ZNF761: variants seen among roughly 807,000 people sequenced by gnomAD.
The protein encoded by ZNF761 is zinc finger protein 761.
Under a neutral mutation model 59.9 loss-of-function variants are expected in ZNF761, and 43 were observed. The ratio of observed to expected loss-of-function variants is 0.72; its 90% CI spans 0.56 to 0.92. ZNF761 has a LOEUF of 0.92. Ranked by LOEUF, ZNF761 falls within the 40% of genes least tolerant of loss-of-function variation. The pLI is 0.00. For missense variants in ZNF761, 850 were observed against 906.1 expected (o/e 0.94, Z 0.79); for synonymous variants, 294 against 304.8 (o/e 0.96, Z 0.37).
Position 53,455,538 on chromosome 19 carries a change from A to G in ZNF761, c.1031A>G (p.His344Arg), listed in dbSNP as rs539781285. The change falls in exon 5 of 5, where the codon CAT becomes CGT. Residue 344 changes from histidine to arginine, a missense_variant. Transcript: ENST00000684525. ...TFRQKSILTR[H>R]HRLHTGEKPY... ...AGGCAGAAGTCAATCCTTACACGCCATCATCGACTTCATACTGGAGAGAAA... is the reference window on the plus strand; with the variant it reads ...AGGCAGAAGTCAATCCTTACACGCCGTCATCGACTTCATACTGGAGAGAAA... 6.2e-7 allele frequency: 1 copy of G among 1,613,096 alleles called. No homozygotes were observed. The highest frequency in any genetic ancestry group is 1.3e-5 in the African/African-American group (1 of 75,038).
rs1392320073 is a variant in ZNF761, at chr19:53,456,643, T to A, written c.2136T>A (p.His712Gln). Residue 712 changes from histidine (H) to glutamine (Q), a missense_variant, in exon 5 of 5, where the codon CAT becomes CAA. By Grantham distance (24) the His-to-Gln change is conservative. Coordinates refer to ENST00000684525, the MANE Select transcript of ZNF761 (RefSeq NM_001289951.2). ...KSSLICHHRL[H>Q]TGEKPYKCNE... The stretch of plus-strand genomic sequence containing the variant: ...CCCTTATATGCCACCATAGACTTCA[T>A]ACTGGAGAGAAACCTTACAAGTGTA... The A allele has an allele frequency of 1.9e-6, 3 of 1,613,940 alleles. No homozygotes were observed. The highest frequency in any genetic ancestry group is 2.5e-6 in the Non-Finnish European group (3 of 1,179,916).
chr19:53,456,157 C>A lies in ZNF761; in HGVS notation c.1650C>A (p.Tyr550Ter), dbSNP rs768923501. The A allele has an allele frequency of 5.1e-5, 83 of 1,613,870 alleles. No individual in the cohort carries two copies. The highest frequency in any genetic ancestry group is 3.1e-4 in the South Asian group (28 of 91,068). ...HRRLHSGEKP[Y>*]KCKECGKTFN... The stretch of plus-strand genomic sequence containing the variant: ...GACTTCATTCTGGAGAGAAACCTTA[C>A]AAGTGTAAGGAGTGTGGCAAGACCT... The change falls in exon 5 of 5, where the codon TAC (tyrosine) becomes TAA (stop). Residue 550 changes from tyrosine to a stop codon, truncating the protein, a stop_gained. Transcript: ENST00000684525. LOFTEE classifies it high-confidence loss of function.
At chr19:53,433,970 G>C (rs2086007290) in intron 1 of ZNF761, among the ~76,000 whole-genome samples, 1 of 152,148 alleles carries the variant, frequency 6.6e-6, no homozygotes, top group Non-Finnish European at 1.5e-5. Context: ...CAATTAGTTA[G>C]ATTACACTTT....
chr19:53,448,434 G>A (rs906468450), intron 3 of ZNF761, among the ~76,000 whole-genome samples: 4 of 152,074 alleles, frequency 2.6e-5, no homozygotes, highest in South Asian at 2.1e-4. Context: ...TCCCTGTCAC[G>A]TCCTCCACCC....
At chr19:53,441,926 G>C in intron 1 of ZNF761, 3 of 1,543,842 alleles carry the variant, frequency 1.9e-6, no homozygotes, top group Non-Finnish European at 2.6e-6. Flanking sequence ...GCACCAGGCA[G>C]ATGATGCAGA....
intron 3 of ZNF761, among the ~76,000 whole-genome samples, chr19:53,448,147 G>A (rs180845361): frequency 2.6e-4 from 39 of 151,978 alleles, no homozygotes; most frequent in Non-Finnish European, 4.0e-4. Context: ...GATTATAGGC[G>A]TGCGTCACCA....
rs149974118 is a variant in ZNF761 at position 53,450,049 on chromosome 19, A to C, written c.142+411A>C. 5.3e-3 allele frequency: 2,113 copies of C among 401,924 alleles called. 51 individuals are homozygous for C. The highest frequency in any genetic ancestry group is 0.039 in the African/African-American group (1,891 of 48,166). The allele number at this position is 401,924 out of a possible 1,614,324, so 24.9% of individuals were successfully genotyped here. ...GCCGGGCTTGGTGGCTCACGCCTGTAATCCCAGCACTTTGGGAGGCCAAGG... is the reference window on the plus strand; with the variant it reads ...GCCGGGCTTGGTGGCTCACGCCTGTCATCCCAGCACTTTGGGAGGCCAAGG... On this transcript the variant is annotated intron_variant, in intron 4 of 4. Transcript: ENST00000684525.
chr19:53,446,929 G>C (rs2086166298), intron 2 of ZNF761, among the ~76,000 whole-genome samples: 1 of 152,010 alleles, frequency 6.6e-6, no homozygotes, highest in Non-Finnish European at 1.5e-5. Flanking sequence ...GCATCTGCAT[G>C]GGGTTTGGTC....
intron 1 of ZNF761, among the ~76,000 whole-genome samples, chr19:53,435,798 C>T (rs1242239962): frequency 6.6e-6 from 1 of 152,032 alleles, no homozygotes; most frequent in African/African-American, 2.4e-5. Flanking sequence ...CCAGCAAGGA[C>T]AGAAGAGGGC....
Position 53,454,728 on chromosome 19 carries a change from T to C in ZNF761, c.221T>C (p.Leu74Ser). The C allele has an allele frequency of 6.2e-7, 1 of 1,614,112 alleles. No homozygotes were observed. ...GNREVFHAGT[L>S]QIHESHHNGD... ...AGAGAAGTGTTCCATGCAGGGACAT[T>C]GCAAATACATGAAAGTCATCACAAT... Residue 74 changes from leucine to serine, a missense_variant, in exon 5 of 5, where the codon TTG becomes TCG. Transcript: ENST00000684525.
chr19:53,437,832 G>GT (rs1283840196), intron 1 of ZNF761, among the ~76,000 whole-genome samples: 1 of 149,828 alleles, frequency 6.7e-6, no homozygotes, highest in Non-Finnish European at 1.5e-5. Context: ...TAGAATTAGT[G>GT]TAAATACTGA....
At position 53,455,969 on chromosome 19, in the gene ZNF761, C is replaced by A; in HGVS notation, c.1462C>A (p.His488Asn). ...KSNLERHRRI[H>N]TGEKPYKCNE... is the part of the protein sequence containing the mutation. ...AAACCTTGAAAGACATAGGAGAATT[C>A]ATACTGGAGAGAAACCATACAAGTG... The change falls in exon 5 of 5, where the codon CAT (histidine) becomes AAT (asparagine). Residue 488 changes from histidine to asparagine, a missense_variant. Physicochemically the swap from His to Asn is moderately conservative, Grantham distance 68 (BLOSUM62 1). Transcript: ENST00000684525. 1 of 1,613,712 alleles carries A rather than the reference C, an allele frequency of 6.2e-7. No homozygotes were observed. Among genetic ancestry groups the A allele is most frequent in the Non-Finnish European group, 8.5e-7 (1 of 1,179,880 alleles).
At chr19:53,453,573 C>G (rs1425272836) in intron 4 of ZNF761, among the ~76,000 whole-genome samples, 1 of 152,182 alleles carries the variant, frequency 6.6e-6, no homozygotes, top group East Asian at 1.9e-4. Context: ...ACACAGTCCA[C>G]TAGCTAATGT....
At chr19:53,433,815 G>C (rs2086004981) in intron 1 of ZNF761, among the ~76,000 whole-genome samples, 2 of 152,162 alleles carry the variant, frequency 1.3e-5, no homozygotes, top group Non-Finnish European at 2.9e-5. Context: ...TTAAGGTTTT[G>C]AATCTACTGA....
chr19:53,453,064 C>T (rs1049257083), intron 4 of ZNF761, among the ~76,000 whole-genome samples: 6 of 152,218 alleles, frequency 3.9e-5, no homozygotes, highest in African/African-American at 1.4e-4. Flanking sequence ...TGCACAGGTG[C>T]AATCTCGGCT....
chr19:53,434,864 A>G (rs2086021250), intron 1 of ZNF761, among the ~76,000 whole-genome samples: 2 of 152,198 alleles, frequency 1.3e-5, no homozygotes, highest in Admixed American at 6.5e-5. Flanking sequence ...CAGCTAACCA[A>G]GCAAACAGGT....
rs769397932 is a variant in ZNF761, at chr19:53,455,833, G to C, written c.1326G>C (p.Glu442Asp). The C allele has an allele frequency of 3.7e-6, 6 of 1,613,786 alleles. No homozygotes were observed. The highest frequency in any genetic ancestry group is 5.1e-6 in the Non-Finnish European group (6 of 1,179,964). Residue 442 changes from glutamate (E) to aspartate (D), a missense_variant, in exon 5 of 5, where the codon GAG becomes GAC. By Grantham distance (45) the Glu-to-Asp change is conservative. Coordinates refer to ENST00000684525, the MANE Select transcript of ZNF761 (RefSeq NM_001289951.2). ...AAGACAATGCTTACAAGTGTAATGA[G>C]TGTGGAAAGACCTTTAGCCGGACAT... ...HTEDNAYKCN[E>D]CGKTFSRTSS...
chr19:53,432,298 C>T (rs973578567), intron 1 of ZNF761, among the ~76,000 whole-genome samples: 1 of 152,150 alleles, frequency 6.6e-6, no homozygotes, highest in Non-Finnish European at 1.5e-5. Context: ...TTTCTGACTC[C>T]TCCCGCCCCG....
chr19:53,456,558 A>G lies in ZNF761; in HGVS notation c.2051A>G (p.His684Arg), dbSNP rs367700329. The G allele has an allele frequency of 1.6e-5, 25 of 1,612,096 alleles. 1 individual carries two copies. The highest frequency in any genetic ancestry group is 2.1e-5 in the Non-Finnish European group (25 of 1,178,762). ...TATTTTATATGCCATCATAGACTTCATACTGGAGAGAAACCTTATAAGTGT... is the reference window on the plus strand; with the variant it reads ...TATTTTATATGCCATCATAGACTTCGTACTGGAGAGAAACCTTATAAGTGT... ...KSYFICHHRL[H>R]TGEKPYKCNE... The change falls in exon 5 of 5, where the codon CAT (histidine) becomes CGT (arginine). Residue 684 changes from histidine (H) to arginine (R), a missense_variant. Physicochemically the swap from His to Arg is conservative, Grantham distance 29. Coordinates refer to ENST00000684525, the MANE Select transcript of ZNF761 (RefSeq NM_001289951.2).
Sources: allele counts gnomAD v4.1 joint callset (sites outside exome capture counted in the v4.1 genomes callset), GRCh38; gene constraint gnomAD v4.1.1; transcripts MANE v1.5; gene names NCBI Gene and HGNC (gene_info 2026-07-23, HGNC 2026-07-21).